Variants in DRICH1 observed in about 807,000 individuals in gnomAD.
DRICH1 encodes aspartate rich 1.
Under a neutral mutation model 39.5 loss-of-function variants are expected in DRICH1, and 38 were observed. That is an observed-to-expected ratio of 0.96 (90% confidence interval 0.74 to 1.26). The LOEUF (loss-of-function observed/expected upper bound fraction) is 1.26. Among genes scored for constraint, DRICH1 ranks in the 50% most tolerant of loss-of-function variants. The pLI, the probability that DRICH1 is intolerant of heterozygous loss-of-function variation, is 0.00. For missense variants in DRICH1, 279 were observed against 270.4 expected (o/e 1.03, Z -0.22); for synonymous variants, 84 against 99.5 (o/e 0.84, Z 0.93).
At chr22:23,583,809 C>T in the DRICH1 span, 1 of 152,574 alleles carries the variant, frequency 6.6e-6, no homozygotes, top group African/African-American at 2.4e-5. Flanking sequence ...CTCCTCTCAC[C>T]TTCAGGGCTG....
In DRICH1 at chr22:23,620,815, A is replaced by G. The variant is rs74694528; in HGVS notation, c.385-200T>C. ...TTCCCACAGAATTTATCTTTAAGGT[A>G]TTGGTATTGGTATCTTTAAGGCTAT... On this transcript the variant is annotated intron_variant, in intron 4 of 11. Coordinates refer to ENST00000317749, the MANE Select transcript of DRICH1 (RefSeq NM_016449.4). 7.2e-4 allele frequency among the ~76,000 whole-genome samples: 110 copies of G among 152,318 alleles called. 4 individuals are homozygous for G. The South Asian group carries it at 0.019, about 27-fold the overall frequency.
At chr22:23,606,386 G>A (rs780744864), downstream of DRICH1, among the ~76,000 whole-genome samples, 2 of 152,134 alleles carry the variant, frequency 1.3e-5, no homozygotes, top group East Asian at 1.9e-4. Context: ...ACCTGTACCC[G>A]AGCTGTGCCA....
chr22:23,621,599 T>C (rs1927738773), intron 4 of DRICH1, among the ~76,000 whole-genome samples: 1 of 151,414 alleles, frequency 6.6e-6, no homozygotes, highest in Admixed American at 6.6e-5. Context: ...TCTTGCAAGA[T>C]CTTGCAAGAC....
chr22:23,630,414 T>C (rs927856983), intron 1 of DRICH1, among the ~76,000 whole-genome samples: 7 of 80,224 alleles, frequency 8.7e-5, no homozygotes, highest in African/African-American at 1.6e-4. Flanking sequence ...CTTTCCACAC[T>C]CTCTCTCTCT....
chr22:23,617,741 G>T, intron 6 of DRICH1, 84 bp from the exon 7 acceptor site: 1 of 1,329,366 alleles, frequency 7.5e-7, no homozygotes, highest in Non-Finnish European at 1.1e-6. Context: ...TGTGGTATAT[G>T]GAGGTGGTTG....
the DRICH1 span, among the ~76,000 whole-genome samples, chr22:23,590,999 C>T: frequency 2.0e-5 from 3 of 152,154 alleles, no homozygotes; most frequent in African/African-American, 4.8e-5. Flanking sequence ...GCCCTGCACT[C>T]GGAGCATGCT....
chr22:23,585,324 T>G, the DRICH1 span, among the ~76,000 whole-genome samples: 3 of 151,544 alleles, frequency 2.0e-5, no homozygotes, highest in Non-Finnish European at 4.4e-5. Flanking sequence ...CATGTTTTGT[T>G]GAGAGGGTCT....
At chr22:23,592,879 CAA>C in the DRICH1 span, among the ~76,000 whole-genome samples, 2 of 127,230 alleles carry the variant, frequency 1.6e-5, no homozygotes, top group Admixed American at 7.7e-5. Flanking sequence ...CACACACACA[CAA>C]AATTAGCTGG....
At chr22:23,586,596 T>C in the DRICH1 span, among the ~76,000 whole-genome samples, 4 of 152,192 alleles carry the variant, frequency 2.6e-5, no homozygotes, top group African/African-American at 9.6e-5. Context: ...CAGGCTGGAG[T>C]GCAATGGCAG....
chr22:23,624,904 T>G lies in DRICH1; in HGVS notation c.277A>C (p.Ile93Leu), dbSNP rs374364434. Residue 93 changes from isoleucine (I) to leucine (L), a missense_variant and splice_region_variant, in exon 3 of 12, where the codon ATT (isoleucine) becomes CTT (leucine). Physicochemically the swap from Ile to Leu is conservative, Grantham distance 5. Transcript: ENST00000317749. The part of the protein sequence containing the change: ...SSEEDNDDAK[I>L]LPSPVQGSSE... ...GTACCCTGGACAGGTGATGGTAAAATCTGCAATGAGACAAAAGAAGATGCT... is the reference window on the plus strand; with the variant it reads ...GTACCCTGGACAGGTGATGGTAAAAGCTGCAATGAGACAAAAGAAGATGCT... The G allele has an allele frequency of 1.1e-5, 17 of 1,613,472 alleles. No individual in the cohort carries two copies. Among genetic ancestry groups the G allele is most frequent in the Non-Finnish European group, 1.4e-5 (17 of 1,179,514 alleles).
the DRICH1 span, among the ~76,000 whole-genome samples, chr22:23,598,176 C>T: frequency 6.8e-6 from 1 of 147,376 alleles, no homozygotes; most frequent in African/African-American, 2.5e-5. Context: ...ACCCCTTCAC[C>T]CAGGAAGCTA....
chr22:23,600,813 T>C, the DRICH1 span, among the ~76,000 whole-genome samples: 1 of 151,926 alleles, frequency 6.6e-6, no homozygotes, highest in Non-Finnish European at 1.5e-5. Flanking sequence ...GCTGGGACTA[T>C]GGGCACCCGC....
chr22:23,600,961 C>T, the DRICH1 span, among the ~76,000 whole-genome samples: 141 of 152,222 alleles, frequency 9.3e-4, no homozygotes, highest in Non-Finnish European at 9.7e-4. Flanking sequence ...CGTGAGCCAC[C>T]GCACCTGGCC....
chr22:23,596,100 GCACA>G, the DRICH1 span, among the ~76,000 whole-genome samples: 5 of 152,130 alleles, frequency 3.3e-5, no homozygotes, highest in African/African-American at 9.7e-5. Context: ...CATTTTTGCT[GCACA>G]CAGAGTCTTC....
chr22:23,599,586 G>T, the DRICH1 span, among the ~76,000 whole-genome samples: 5 of 152,170 alleles, frequency 3.3e-5, no homozygotes, highest in African/African-American at 1.2e-4. Flanking sequence ...GATCCCTCAG[G>T]GTGCTTTTAT....
downstream of DRICH1, among the ~76,000 whole-genome samples, chr22:23,604,636 GTCAGCTTTCC>G (rs1926633848): frequency 2.0e-5 from 3 of 152,186 alleles, no homozygotes. Context: ...GTTGCACAGG[GTCAGCTTTCC>G]TCGTGGAAGC....
At chr22:23,611,823 G>T (rs541576566) in intron 11 of DRICH1, among the ~76,000 whole-genome samples, 1 of 152,148 alleles carries the variant, frequency 6.6e-6, no homozygotes, top group East Asian at 1.9e-4. Flanking sequence ...GGTGAGGCGG[G>T]TGTAAACAAA....
At chr22:23,624,163 T>A (rs1927925614) in intron 3 of DRICH1, 1 of 984,812 alleles carries the variant, frequency 1.0e-6, no homozygotes, top group African/African-American at 1.7e-5. Flanking sequence ...TAACAGTTCA[T>A]AAGGTGAGGA....
chr22:23,618,113 C>CTTTTTTTTTT (rs368348650), intron 6 of DRICH1, among the ~76,000 whole-genome samples: 7 of 127,332 alleles, frequency 5.5e-5, no homozygotes, highest in African/African-American at 2.0e-4. Context: ...ATCACACATT[C>CTTTTTTTTTT]TTTTTTTTTT....
Sources: gnomAD v4.1 joint callset for allele counts (sites outside exome capture counted in the v4.1 genomes callset) on GRCh38, gnomAD v4.1.1 for gene constraint, MANE v1.5 for transcripts, NCBI Gene and HGNC (gene_info 2026-07-23, HGNC 2026-07-21) for gene names.